NRDE2: variants seen among roughly 807,000 people sequenced by gnomAD.
NRDE2 encodes the protein nuclear exosome regulator NRDE2.
Under a neutral mutation model 124.2 loss-of-function variants are expected in NRDE2, and 76 were observed. The ratio of observed to expected loss-of-function variants is 0.61; its 90% CI spans 0.51 to 0.74. The LOEUF (loss-of-function observed/expected upper bound fraction) is 0.74. Among genes scored for constraint, NRDE2 ranks in the 30% least tolerant of loss-of-function variants. The pLI is 0.00. For synonymous variants in NRDE2, 489 were observed against 528.1 expected (o/e 0.93, Z 1.01); for missense variants, 1,314 against 1,417.3 (o/e 0.93, Z 1.17).
chr14:90,308,131 T>C (rs557995379), intron 4 of NRDE2, among the ~76,000 whole-genome samples: 1 of 152,330 alleles, frequency 6.6e-6, no homozygotes, highest in South Asian at 2.1e-4. Flanking sequence ...TTATCAAAGT[T>C]GGCTCCTAAA....
chr14:90,298,197 G>C, intron 8 of NRDE2, 63 bp downstream of exon 8: 1 of 1,547,992 alleles, frequency 6.5e-7, no homozygotes, highest in Non-Finnish European at 8.9e-7. Flanking sequence ...AAATAATCAT[G>C]AGGATGTAAA....
At chr14:90,314,088 T>C (rs1884954155) in intron 3 of NRDE2, among the ~76,000 whole-genome samples, 1 of 152,236 alleles carries the variant, frequency 6.6e-6, no homozygotes, top group African/African-American at 2.4e-5. Context: ...TCGGCGGTAC[T>C]GAGCTAAGGA....
intron 12 of NRDE2, chr14:90,279,630 G>T (rs72699170): frequency 0.08 from 12,223 of 152,840 alleles, 710 homozygotes; most frequent in South Asian, 0.18. Context: ...TACAAAAGGT[G>T]CAAGTTCCAT....
chr14:90,304,465 C>A, intron 4 of NRDE2, 83 bp from the exon 5 acceptor site: 1 of 1,031,896 alleles, frequency 9.7e-7, no homozygotes, highest in South Asian at 1.7e-5. Context: ...GACCTAAACT[C>A]TCGTTATGCA....
At chr14:90,296,879 C>T (rs758027201) in intron 8 of NRDE2, among the ~76,000 whole-genome samples, 3 of 152,016 alleles carry the variant, frequency 2.0e-5, no homozygotes, top group African/African-American at 4.8e-5. Flanking sequence ...TGGCTCACAT[C>T]GGAAATCCCA....
intron 8 of NRDE2, among the ~76,000 whole-genome samples, chr14:90,295,006 A>T (rs776731569): frequency 6.6e-6 from 1 of 152,164 alleles, no homozygotes; most frequent in Non-Finnish European, 1.5e-5. Context: ...CAGTGATGAA[A>T]CAGTCTGATC....
chr14:90,288,222 G>A lies in NRDE2; in HGVS notation c.3153C>T (p.Val1051=), dbSNP rs1226492552. The change falls in exon 11 of 14, where the codon GTC becomes GTT. Residue 1051 remains valine (V), a synonymous_variant. Coordinates refer to ENST00000354366, the MANE Select transcript of NRDE2 (RefSeq NM_017970.4). ...ACAGAACGGTCTGGAATTACCTCTG[G>A]ACAGTTTCCACCAGTCTCTTCCTCA... ...EKLRKRLVET[V]QRLDGREIHA... 3 of 1,613,094 alleles carry A rather than the reference G, an allele frequency of 1.9e-6. 1 individual carries two copies. In the South Asian group the frequency reaches 3.3e-5, roughly 18 times the overall value.
Position 90,278,071 on chromosome 14 carries a change from C to G in NRDE2, c.*265G>C, listed in dbSNP as rs142182465. ...GACGCTGCCACGCCTCAATCATCAT[C>G]GGTTTAATGACCACGTGGCATGACT... On this transcript the variant is annotated 3_prime_UTR_variant, in exon 14 of 14. Transcript: ENST00000354366. 1 of 329,956 alleles carries G rather than the reference C, an allele frequency of 3.0e-6. No homozygotes were observed. Among genetic ancestry groups the G allele is most frequent in the South Asian group, 3.9e-5 (1 of 25,816 alleles). 20.4% of individuals were successfully genotyped at this position (329,956 alleles called of 1,614,324 possible).
At chr14:90,326,500 CA>C (rs10684490) in intron 1 of NRDE2, among the ~76,000 whole-genome samples, 224 of 78,830 alleles carry the variant, frequency 2.8e-3, no homozygotes, top group African/African-American at 5.2e-3. Context: ...GACTCTGTCT[CA>C]AAAAAAAAAA....
intron 3 of NRDE2, among the ~76,000 whole-genome samples, chr14:90,315,178 A>C (rs1884995878): frequency 1.6e-4 from 1 of 6,238 alleles, no homozygotes; most frequent in Non-Finnish European, 4.8e-4. Context: ...CTCTGTCTCA[A>C]AAAAAAAAAA....
In NRDE2 at chr14:90,290,307, T is replaced by C; in HGVS notation, c.2143A>G (p.Asn715Asp). Residue 715 changes from asparagine to aspartate, a missense_variant, in exon 10 of 14, where the codon AAT (asparagine) becomes GAT (aspartate). Coordinates refer to ENST00000354366, the MANE Select transcript of NRDE2 (RefSeq NM_017970.4). The stretch of plus-strand genomic sequence containing the variant: ...AAAGGCATGACAAGGTGGAAGACAT[T>C]GCGGATGAACTCCTCGCCCTCTCGG... ...QNREGEEFIR[N>D]VFHLVMPLFS... 1 of 1,614,036 alleles carries C rather than the reference T, an allele frequency of 6.2e-7. No homozygotes were observed.
chr14:90,280,663 C>T (rs1021980203), intron 12 of NRDE2: 1 of 152,264 alleles, frequency 6.6e-6, no homozygotes, highest in Admixed American at 6.5e-5. Flanking sequence ...ATTTCATCTT[C>T]TGAGACGTGG....
Position 90,269,166 on chromosome 14 carries a change from CT to C in NRDE2, c.*9169del, listed in dbSNP as rs1396154782. 3 of 498,734 alleles carry C rather than the reference CT, an allele frequency of 6.0e-6. No individual in the cohort carries two copies. In the Admixed American group the frequency reaches 1.0e-4, roughly 17 times the overall value. The allele number at this position is 498,734 out of a possible 1,614,324, so 30.9% of individuals were successfully genotyped here. A position where few individuals can be genotyped will look rare whatever the true frequency, so the allele number is the denominator to read the frequency against. On this transcript the variant is annotated 3_prime_UTR_variant, in exon 14 of 14. Coordinates refer to ENST00000354366, the MANE Select transcript of NRDE2 (RefSeq NM_017970.4). ...TAGCCCTTTCCAAAAGGCCTCATCTCTTAGCCACACAGTAGGGATTAAGTTT... is the reference window on the plus strand; with the variant it reads ...TAGCCCTTTCCAAAAGGCCTCATCTCTAGCCACACAGTAGGGATTAAGTTT...
Position 90,312,486 on chromosome 14 carries a change from A to G in NRDE2, c.465T>C (p.Ile155=). ...TGHRFVWLED[I]QAVTGETFRT... The stretch of plus-strand genomic sequence containing the variant: ...TGAAGGTTTCTCCCGTCACAGCCTG[A>G]ATGTCCTCAAGCCAAACAAAGCGAT... Residue 155 remains isoleucine (I), a synonymous_variant, in exon 4 of 14, where the codon ATT becomes ATC. Transcript: ENST00000354366. 6.2e-7 allele frequency: 1 copy of G among 1,614,162 alleles called. No individual in the cohort carries two copies. Among genetic ancestry groups the G allele is most frequent in the Non-Finnish European group, 8.5e-7 (1 of 1,180,000 alleles).
At position 90,269,665 on chromosome 14, in the gene NRDE2, A is replaced by C; in HGVS notation, c.*8671T>G. 1.7e-6 allele frequency: 2 copies of C among 1,188,908 alleles called. No individual in the cohort carries two copies. The highest frequency in any genetic ancestry group is 3.1e-5 in the South Asian group (2 of 64,452). 73.6% of individuals were successfully genotyped at this position (1,188,908 alleles called of 1,614,324 possible). A position where few individuals can be genotyped will look rare whatever the true frequency, so the allele number is the denominator to read the frequency against. On this transcript the variant is annotated 3_prime_UTR_variant, in exon 14 of 14. Coordinates refer to ENST00000354366, the MANE Select transcript of NRDE2 (RefSeq NM_017970.4). ...AAAAGCAAATACTGCAGTGAAACTTAGGATAATTTACAAAAAAATAGGTCC... is the reference window on the plus strand; with the variant it reads ...AAAAGCAAATACTGCAGTGAAACTTCGGATAATTTACAAAAAAATAGGTCC...
In NRDE2 at chr14:90,328,319, A is replaced by AAG. The variant is rs1555362625; in HGVS notation, c.64+3521_64+3522insCT. Among the ~76,000 whole-genome samples, 91 of 149,192 alleles carry AAG rather than the reference A, an allele frequency of 6.1e-4. 1 individual carries two copies. Among genetic ancestry groups the AAG allele is most frequent in the African/African-American group, 9.3e-4 (38 of 40,992 alleles). ...ACTCTGTCTCCAAAAAAAAAAAAAA[A>AAG]AAAAGAAAAAAGTATTTATCCTGTC... On this transcript the variant is annotated intron_variant, in intron 1 of 13. Coordinates refer to ENST00000354366, the MANE Select transcript of NRDE2 (RefSeq NM_017970.4).
rs769270612 is a variant in NRDE2, at chr14:90,303,090, G to A, written c.1041C>T (p.Ile347=). 71 of 1,613,762 alleles carry A rather than the reference G, an allele frequency of 4.4e-5. No individual in the cohort carries two copies. Among genetic ancestry groups the A allele is most frequent in the Non-Finnish European group, 5.8e-5 (68 of 1,180,004 alleles). ...EVMKSPGLYA[I]EEGEQEKRKR... is the part of the protein sequence containing the mutation. ...TTCGCTTTTCCTGCTCTCCTTCCTC[G>A]ATGGCATACAGGCCAGGACTTTTCA... The change falls in exon 6 of 14, where the codon ATC becomes ATT. Residue 347 remains isoleucine (I), a synonymous_variant. Transcript: ENST00000354366.
intron 12 of NRDE2, 146 bp from the exon 13 acceptor site, chr14:90,279,279 G>A: frequency 3.0e-6 from 2 of 657,270 alleles, no homozygotes; most frequent in South Asian, 1.8e-5. Context: ...GGTGGCTGTG[G>A]GACAGGGGCA....
chr14:90,311,217 A>G (rs1290055917), intron 4 of NRDE2, among the ~76,000 whole-genome samples: 1 of 152,182 alleles, frequency 6.6e-6, no homozygotes, highest in Non-Finnish European at 1.5e-5. Context: ...TCTATCTTCA[A>G]TTCTCATTAT....
Sources: allele counts gnomAD v4.1 joint callset (sites outside exome capture counted in the v4.1 genomes callset), GRCh38; gene constraint gnomAD v4.1.1; transcripts MANE v1.5; gene names NCBI Gene and HGNC (gene_info 2026-07-23, HGNC 2026-07-21).